AP1S3: variants seen among roughly 807,000 people sequenced by gnomAD.
The protein encoded by AP1S3 is adaptor related protein complex 1 subunit sigma 3.
A neutral mutation model predicts 20.9 loss-of-function variants in AP1S3; 10 were observed. The observed-to-expected ratio is 0.48, with a 90% CI of 0.29 to 0.81. AP1S3 has a LOEUF of 0.81. Ranked by LOEUF, AP1S3 falls within the 30% of genes least tolerant of loss-of-function variation. The probability of loss-of-function intolerance (pLI) is 0.08; values close to 1 mark genes in which losing one functional copy is unlikely to be tolerated. For missense variants in AP1S3, 154 were observed against 183.8 expected (o/e 0.84, Z 0.94); for synonymous variants, 41 against 61.5 (o/e 0.67, Z 1.56).
At chr2:223,821,178 G>C (rs887122509) in intron 1 of AP1S3, among the ~76,000 whole-genome samples, 1 of 152,102 alleles carries the variant, frequency 6.6e-6, no homozygotes, top group Non-Finnish European at 1.5e-5. Context: ...ATCTATGGCA[G>C]AGTCTCACAC....
chr2:223,779,663 T>G (rs752639282), intron 1 of AP1S3, among the ~76,000 whole-genome samples: 2 of 151,916 alleles, frequency 1.3e-5, no homozygotes, highest in East Asian at 3.9e-4. Flanking sequence ...GAAAACGTTT[T>G]ACAGATAAAA....
chr2:223,811,568 CA>C (rs143512043), intron 1 of AP1S3, among the ~76,000 whole-genome samples: 141 of 135,342 alleles, frequency 1.0e-3, no homozygotes, highest in South Asian at 2.2e-3. Context: ...GACTCCATTT[CA>C]AAAAAAAAAA....
intron 1 of AP1S3, among the ~76,000 whole-genome samples, chr2:223,802,329 G>A (rs1231951154): frequency 6.7e-6 from 1 of 149,914 alleles, no homozygotes. Context: ...TGGAGACAGA[G>A]TCTCACTGTT....
At chr2:223,795,442 G>A (rs563462022) in intron 1 of AP1S3, among the ~76,000 whole-genome samples, 1 of 152,114 alleles carries the variant, frequency 6.6e-6, no homozygotes, top group Non-Finnish European at 1.5e-5. Flanking sequence ...CTAATTTAGC[G>A]ACCCTTTGAA....
chr2:223,822,250 G>C (rs939230980), intron 1 of AP1S3, among the ~76,000 whole-genome samples: 2 of 151,978 alleles, frequency 1.3e-5, no homozygotes, highest in African/African-American at 2.4e-5. Context: ...AAAATGAGCT[G>C]GGCATGGTGT....
At position 223,806,896 on chromosome 2, in the gene AP1S3, GTT is replaced by G. The variant is rs889545976; in HGVS notation, c.4-29029_4-29028del. ...TTCAGGTGGTTTTTTCTACATTTCTGTTTTTTTTCTAAATTTTCTACAATAAT... is the reference window on the plus strand; with the variant it reads ...TTCAGGTGGTTTTTTCTACATTTCTGTTTTTTCTAAATTTTCTACAATAAT... On this transcript the variant is annotated intron_variant, in intron 1 of 4. Transcript: ENST00000396654. Among the ~76,000 whole-genome samples the G allele has an allele frequency of 6.6e-5, 10 of 151,622 alleles. No individual in the cohort carries two copies. In the East Asian group the frequency reaches 1.4e-3, roughly 21 times the overall value.
rs183101984 is a variant in AP1S3 at position 223,827,461 on chromosome 2, C to G, written c.3+9987G>C. Among the ~76,000 whole-genome samples the G allele has an allele frequency of 1.3e-3, 198 of 152,256 alleles. 2 individuals are homozygous for G. The highest frequency in any genetic ancestry group is 6.8e-3 in the Middle Eastern group (2 of 294). ...GCAGTGGCACGATCTCAGTTCACTG[C>G]AACCTCCACCTCCTAGGTTCAAGCT... On this transcript the variant is annotated intron_variant, in intron 1 of 4. Coordinates refer to ENST00000396654, the MANE Select transcript of AP1S3 (RefSeq NM_001039569.2).
intron 1 of AP1S3, among the ~76,000 whole-genome samples, chr2:223,830,963 C>T (rs1692243924): frequency 1.3e-5 from 2 of 152,188 alleles, no homozygotes; most frequent in African/African-American, 4.8e-5. Flanking sequence ...TTTTCAGTAT[C>T]CCCTTTTCAT....
chr2:223,764,121 A>G (rs112954370), intron 4 of AP1S3, among the ~76,000 whole-genome samples: 405 of 152,138 alleles, frequency 2.7e-3, no homozygotes, highest in African/African-American at 9.2e-3. Context: ...GTTTCACCAC[A>G]TTGGCCAGGC....
At chr2:223,788,360 C>G (rs1419607586) in intron 1 of AP1S3, among the ~76,000 whole-genome samples, 1 of 152,024 alleles carries the variant, frequency 6.6e-6, no homozygotes, top group South Asian at 2.1e-4. Context: ...CGCCTGTAAT[C>G]CCAGCACTCT....
At chr2:223,811,705 T>A (rs1406735901) in intron 1 of AP1S3, among the ~76,000 whole-genome samples, 3 of 152,236 alleles carry the variant, frequency 2.0e-5, no homozygotes, top group African/African-American at 7.2e-5. Flanking sequence ...CAACAGCTAT[T>A]TGAGACTTGG....
Position 223,818,638 on chromosome 2 carries a change from C to T in AP1S3, c.3+18810G>A, listed in dbSNP as rs560663613. On this transcript the variant is annotated intron_variant, in intron 1 of 4. Coordinates refer to ENST00000396654, the MANE Select transcript of AP1S3 (RefSeq NM_001039569.2). The stretch of plus-strand genomic sequence containing the variant: ...TGCAATCTCAACTCATTGCAACCTC[C>T]GCCTCCTGGGTTCAAGCTATTCTCC... Among the ~76,000 whole-genome samples the T allele has an allele frequency of 8.5e-5, 13 of 152,146 alleles. No homozygotes were observed. The South Asian group carries it at 1.0e-3, about 12-fold the overall frequency.
Position 223,762,525 on chromosome 2 carries a change from G to A in AP1S3, c.429+2688C>T, listed in dbSNP as rs191193321. On this transcript the variant is annotated intron_variant, in intron 4 of 4. Transcript: ENST00000396654. ...TGGCCTCAAGTGATCCGCCCACCTC[G>A]GCCTCCCAAAGTGTTGGGCTTACAG... 7.1e-3 allele frequency among the ~76,000 whole-genome samples: 1,083 copies of A among 152,080 alleles called. 13 individuals carry two copies. Among genetic ancestry groups the A allele is most frequent in the African/African-American group, 0.025 (1,031 of 41,494 alleles).
intron 1 of AP1S3, among the ~76,000 whole-genome samples, chr2:223,806,880 T>C (rs1227286638): frequency 5.4e-5 from 8 of 147,942 alleles, no homozygotes; most frequent in Non-Finnish European, 1.2e-4. Flanking sequence ...TTTCAGGTGG[T>C]TTTTTCTACA....
chr2:223,833,878 C>T (rs1692334196), intron 1 of AP1S3, among the ~76,000 whole-genome samples: 1 of 136,058 alleles, frequency 7.3e-6, no homozygotes, highest in Non-Finnish European at 1.6e-5. Flanking sequence ...TGCCTTTACA[C>T]TCTTTTTATT....
At chr2:223,770,331 A>G (rs776065810) in intron 3 of AP1S3, 2 of 1,550,408 alleles carry the variant, frequency 1.3e-6, no homozygotes, top group South Asian at 1.2e-5. Context: ...AACTCCTGCA[A>G]AGTGAACCTG....
rs190790553 is a variant in AP1S3, at chr2:223,823,653, A to T, written c.3+13795T>A. Among the ~76,000 whole-genome samples the T allele has an allele frequency of 1.5e-4, 23 of 152,312 alleles. No homozygotes were observed. In the East Asian group the frequency reaches 3.9e-3, roughly 26 times the overall value. ...AACTTTCAGTTAGACAACAGCAGTA[A>T]ATTCAAGAGCTCTATGGTACAACAT... On this transcript the variant is annotated intron_variant, in intron 1 of 4. Coordinates refer to ENST00000396654, the MANE Select transcript of AP1S3 (RefSeq NM_001039569.2).
chr2:223,777,812 T>G lies in AP1S3; in HGVS notation c.61A>C (p.Ile21Leu). The G allele has an allele frequency of 6.2e-7, 1 of 1,614,124 alleles. No homozygotes were observed. The highest frequency in any genetic ancestry group is 1.1e-5 in the South Asian group (1 of 91,070). The change falls in exon 2 of 5, where the codon ATC becomes CTC. Residue 21 changes from isoleucine to leucine, a missense_variant. By Grantham distance (5) the Ile-to-Leu change is conservative. Coordinates refer to ENST00000396654, the MANE Select transcript of AP1S3 (RefSeq NM_001039569.2). ...TTCCTCTCTTTATCAGGGAGAGTGA[T>G]GTACCATTTCTGTAGCCGTAATTTC... ...QGKLRLQKWY[I>L]TLPDKERKKI... is the part of the protein sequence containing the mutation.
intron 1 of AP1S3, among the ~76,000 whole-genome samples, chr2:223,798,611 T>A (rs1691399183): frequency 6.6e-6 from 1 of 152,212 alleles, no homozygotes; most frequent in Non-Finnish European, 1.5e-5. Context: ...TCCATCCACC[T>A]GTATGGCACA....
Sources: allele counts gnomAD v4.1 joint callset (sites outside exome capture counted in the v4.1 genomes callset), GRCh38; gene constraint gnomAD v4.1.1; transcripts MANE v1.5; gene names NCBI Gene and HGNC (gene_info 2026-07-23, HGNC 2026-07-21).